Variants in MTA1 observed in about 807,000 individuals in gnomAD.
MTA1 encodes metastasis-associated protein MTA1.
MTA1 carries 15 observed loss-of-function variants against 97.0 expected under a neutral mutation model. The observed-to-expected ratio is 0.15, with a 90% CI of 0.10 to 0.24. MTA1 has a LOEUF of 0.24. Ranked by LOEUF, MTA1 falls within the 10% of genes least tolerant of loss-of-function variation. The pLI, the probability that MTA1 is intolerant of heterozygous loss-of-function variation, is 1.00. For missense variants in MTA1, 709 were observed against 1,015.1 expected, an observed-to-expected ratio of 0.70 and a Z score of 4.10; for synonymous variants, 435 against 417.5, an observed-to-expected ratio of 1.04 and a Z score of -0.51.
intron 8 of MTA1, 144 bp downstream of exon 8, chr14:105,458,516 G>A (rs1243725140): frequency 5.5e-6 from 4 of 723,092 alleles, no homozygotes; most frequent in South Asian, 1.7e-5. Flanking sequence ...TGAGACCCCC[G>A]GTAGCAGTTC....
rs1215018536 is a variant in MTA1 at position 105,461,654 on chromosome 14, G to A, written c.942+701G>A. On this transcript the variant is annotated intron_variant, in intron 10 of 20. Coordinates refer to ENST00000331320, the MANE Select transcript of MTA1 (RefSeq NM_004689.4). ...TCCGGGCAGCAGCGCACAGGCCAGC[G>A]CAGCAGAGGCTGGAGACGCATCTGG... is the stretch of plus-strand genomic sequence containing the variant. Among the ~76,000 whole-genome samples the A allele has an allele frequency of 9.8e-5, 15 of 152,322 alleles. No homozygotes were observed. In the East Asian group the frequency reaches 2.5e-3, roughly 25 times the overall value.
chr14:105,445,356 C>T (rs1490521773), intron 2 of MTA1, 62 bp from the exon 3 acceptor site: 1 of 1,516,956 alleles, frequency 6.6e-7, no homozygotes, highest in Non-Finnish European at 9.1e-7. Context: ...GGAGCCCCTC[C>T]TGGGAGCTGT....
intron 1 of MTA1, among the ~76,000 whole-genome samples, chr14:105,438,071 G>A (rs2082387373): frequency 5.9e-5 from 9 of 152,222 alleles, no homozygotes; most frequent in Admixed American, 5.9e-4. Flanking sequence ...GGTGAGCTCT[G>A]GTATTCCTGT....
chr14:105,469,817 C>T lies in MTA1; in HGVS notation c.1846-24C>T, dbSNP rs114996366. On this transcript the variant is annotated intron_variant, in intron 19 of 20. Transcript: ENST00000331320. Reference sequence around the variant, plus strand: ...GTGGAGCTGGCCCTTGGCTGGCTGCCCAGGAAGTGCACCCCCTCTGCAGGG... The same window carrying T: ...GTGGAGCTGGCCCTTGGCTGGCTGCTCAGGAAGTGCACCCCCTCTGCAGGG... The T allele has an allele frequency of 7.5e-3, 11,872 of 1,589,476 alleles. 814 individuals are homozygous for T. In the African/African-American group the frequency reaches 0.14, roughly 19 times the overall value.
chr14:105,468,521 G>A (rs1346160842), intron 18 of MTA1, among the ~76,000 whole-genome samples: 2 of 152,184 alleles, frequency 1.3e-5, no homozygotes, highest in Non-Finnish European at 2.9e-5. Context: ...CTGACCCAGG[G>A]CTCCAGGGCC....
chr14:105,458,947 C>T (rs2083256123), intron 8 of MTA1, among the ~76,000 whole-genome samples: 1 of 152,174 alleles, frequency 6.6e-6, no homozygotes, highest in African/African-American at 2.4e-5. Flanking sequence ...CTGCGGGCTG[C>T]TCCCTGCGAT....
At position 105,450,043 on chromosome 14, in the gene MTA1, C is replaced by T. The variant is rs1305390188; in HGVS notation, c.242-15C>T. On this transcript the variant is annotated splice_polypyrimidine_tract_variant and intron_variant, in intron 4 of 20. Transcript: ENST00000331320. ...GCGTCTGCCGCGGTGCTGACAGGGG[C>T]TCCTTGTCCTTCAGGGGAAATAGAA... The T allele has an allele frequency of 1.2e-6, 2 of 1,613,310 alleles. No individual in the cohort carries two copies. The highest frequency in any genetic ancestry group is 1.7e-6 in the Non-Finnish European group (2 of 1,179,864).
At chr14:105,423,191 C>G (rs1309451849) in intron 1 of MTA1, among the ~76,000 whole-genome samples, 1 of 150,896 alleles carries the variant, frequency 6.6e-6, no homozygotes, top group Non-Finnish European at 1.5e-5. Flanking sequence ...GTTAACACCC[C>G]ATCTTTTGGA....
chr14:105,439,896 G>A (rs1308502649), intron 2 of MTA1, among the ~76,000 whole-genome samples: 11 of 152,288 alleles, frequency 7.2e-5, no homozygotes, highest in African/African-American at 1.2e-4. Flanking sequence ...CAGCGGTGAC[G>A]TGGGGTTCTT....
rs782389002 is a variant in MTA1 at position 105,450,104 on chromosome 14, C to T, written c.288C>T (p.Pro96=). Residue 96 remains proline, a synonymous_variant, in exon 5 of 21, where the codon CCC becomes CCT. Coordinates refer to ENST00000331320, the MANE Select transcript of MTA1 (RefSeq NM_004689.4). ...AGAACCCGGAAATGGTGGACCTGCC[C>T]GAGAAACTAAAGCACCAGCTGCGGC... ...EMENPEMVDL[P]EKLKHQLRHR... 48 of 1,613,288 alleles carry T rather than the reference C, an allele frequency of 3.0e-5. No homozygotes were observed. Among genetic ancestry groups the T allele is most frequent in the East Asian group, 2.2e-5 (1 of 44,888 alleles).
At chr14:105,469,333 C>T in intron 18 of MTA1, 134 bp from the exon 19 acceptor site, 3 of 1,000,710 alleles carry the variant, frequency 3.0e-6, no homozygotes, top group Non-Finnish European at 4.7e-6. Flanking sequence ...CCAGGCCCAT[C>T]CTGGGTGTGG....
rs782318682 is a variant in MTA1, at chr14:105,470,191, C to T, written c.2124C>T (p.Asp708=). The change falls in exon 21 of 21, where the codon GAC becomes GAT. Residue 708 remains aspartate, a synonymous_variant. Coordinates refer to ENST00000331320, the MANE Select transcript of MTA1 (RefSeq NM_004689.4). ...CACCGCCACCTGCGCCCGTCAACGA[C>T]GAGCCCATCGTCATCGAGGACTAGG... is the stretch of plus-strand genomic sequence containing the variant. ...PRPPPPAPVN[D]EPIVIED The T allele has an allele frequency of 1.0e-5, 16 of 1,605,076 alleles. No individual in the cohort carries two copies. Among genetic ancestry groups the T allele is most frequent in the Admixed American group, 5.0e-5 (3 of 59,430 alleles).
chr14:105,440,612 C>T (rs587731922), intron 2 of MTA1, among the ~76,000 whole-genome samples: 18 of 152,370 alleles, frequency 1.2e-4, no homozygotes, highest in East Asian at 3.9e-4. Context: ...GCATTGCACA[C>T]GCTCAGAGGC....
In MTA1 at chr14:105,470,051, A is replaced by C. The variant is rs587664063; in HGVS notation, c.1998-14A>C. ...GCACAGCGTCCCGGCCCTCACCACC[A>C]CCTCTGCCCACAGGAAGATCCGCAA... is the stretch of plus-strand genomic sequence containing the variant. On this transcript the variant is annotated splice_polypyrimidine_tract_variant and intron_variant, in intron 20 of 20. Coordinates refer to ENST00000331320, the MANE Select transcript of MTA1 (RefSeq NM_004689.4). 799 of 1,612,188 alleles carry C rather than the reference A, an allele frequency of 5.0e-4. No homozygotes were observed. The highest frequency in any genetic ancestry group is 6.2e-4 in the Non-Finnish European group (728 of 1,179,746).
At chr14:105,461,072 C>A in intron 10 of MTA1, 119 bp downstream of exon 10, 1 of 1,065,414 alleles carries the variant, frequency 9.4e-7, no homozygotes, top group Non-Finnish European at 1.4e-6. Flanking sequence ...CACCCTGATT[C>A]CCTGTGCGGA....
intron 1 of MTA1, among the ~76,000 whole-genome samples, chr14:105,429,094 C>T (rs1555422837): frequency 1.3e-5 from 2 of 152,170 alleles, no homozygotes; most frequent in African/African-American, 4.8e-5. Flanking sequence ...CTGCTAGCTT[C>T]AGATTTTTCT....
intron 18 of MTA1, chr14:105,468,208 C>A: frequency 1.0e-6 from 1 of 980,446 alleles, no homozygotes; most frequent in Non-Finnish European, 1.4e-6. Flanking sequence ...GGGGCCCCAG[C>A]GCTCTAACCC....
intron 19 of MTA1, 123 bp downstream of exon 19, chr14:105,469,621 C>A: frequency 7.8e-7 from 1 of 1,287,964 alleles, no homozygotes; most frequent in Non-Finnish European, 1.1e-6. Flanking sequence ...CCTGGCAAGA[C>A]CAGAGGGGCT....
intron 14 of MTA1, 21 bp from the exon 15 acceptor site, chr14:105,464,653 C>A: frequency 6.2e-7 from 1 of 1,602,382 alleles, no homozygotes; most frequent in South Asian, 1.1e-5. Context: ...TGTGTTGGGG[C>A]GGTTGCGCCC....
Sources: allele counts gnomAD v4.1 joint callset (sites outside exome capture counted in the v4.1 genomes callset), GRCh38; gene constraint gnomAD v4.1.1; transcripts MANE v1.5; gene names NCBI Gene and HGNC (gene_info 2026-07-23, HGNC 2026-07-21).